Variants in PCDHA10 observed in about 807,000 individuals in gnomAD.
PCDHA10 encodes the protein protocadherin alpha 10.
Under a neutral mutation model 61.2 loss-of-function variants are expected in PCDHA10, and 45 were observed. The ratio of observed to expected loss-of-function variants is 0.74; its 90% CI spans 0.58 to 0.94. The LOEUF (loss-of-function observed/expected upper bound fraction) is 0.94. Among genes scored for constraint, PCDHA10 ranks in the 40% least tolerant of loss-of-function variants. The pLI is 0.00. For missense variants in PCDHA10, 1,278 were observed against 1,236.2 expected (o/e 1.03, Z -0.51); for synonymous variants, 602 against 548.8 (o/e 1.10, Z -1.35).
chr5:140,977,630 C>T (rs2096769145), intron 1 of PCDHA10, among the ~76,000 whole-genome samples: 1 of 152,148 alleles, frequency 6.6e-6, no homozygotes, highest in African/African-American at 2.4e-5. Flanking sequence ...AGAGTTGTAA[C>T]TTTTTCTGGG....
intron 1 of PCDHA10, among the ~76,000 whole-genome samples, chr5:140,935,315 A>G (rs552631416): frequency 5.9e-5 from 9 of 152,306 alleles, no homozygotes; most frequent in East Asian, 5.8e-4. Context: ...AACTTCATCA[A>G]TCTTACATTC....
At chr5:140,860,434 C>A (rs1562553401) in intron 1 of PCDHA10, 1 of 152,038 alleles carries the variant, frequency 6.6e-6, no homozygotes, top group Non-Finnish European at 1.5e-5. Context: ...CAAATATGAT[C>A]TTTTTCATAT....
At chr5:140,869,760 A>G in intron 1 of PCDHA10, 1 of 1,613,206 alleles carries the variant, frequency 6.2e-7, no homozygotes, top group Non-Finnish European at 8.5e-7. Flanking sequence ...ACGGGGGAAA[A>G]CCAGAGCTTA....
intron 1 of PCDHA10, chr5:140,969,476 A>G: frequency 6.8e-7 from 1 of 1,473,576 alleles, no homozygotes; most frequent in Non-Finnish European, 9.0e-7. Context: ...CAATTTGATC[A>G]TAATCTGCTA....
intron 3 of PCDHA10, among the ~76,000 whole-genome samples, chr5:141,005,035 GT>G (rs1272983494): frequency 6.6e-6 from 1 of 152,194 alleles, no homozygotes; most frequent in African/African-American, 2.4e-5. Context: ...TTGCCCATAT[GT>G]GATACCATTT....
intron 1 of PCDHA10, chr5:140,883,655 T>C (rs782178754): frequency 6.2e-7 from 1 of 1,613,114 alleles, no homozygotes; most frequent in Non-Finnish European, 8.5e-7. Context: ...GTACACGGTG[T>C]TCGTGAAGGA....
intron 1 of PCDHA10, among the ~76,000 whole-genome samples, chr5:140,964,473 T>C (rs1457345251): frequency 6.6e-6 from 1 of 152,068 alleles, no homozygotes; most frequent in Non-Finnish European, 1.5e-5. Flanking sequence ...TGCCTATGAT[T>C]TTTTCACAGT....
chr5:140,968,184 C>T, intron 1 of PCDHA10: 1 of 1,614,050 alleles, frequency 6.2e-7, no homozygotes, highest in Non-Finnish European at 8.5e-7. Flanking sequence ...CTGGAGGACT[C>T]CTATTCCATC....
chr5:140,924,472 G>A (rs938412564), intron 1 of PCDHA10, among the ~76,000 whole-genome samples: 1 of 152,188 alleles, frequency 6.6e-6, no homozygotes, highest in African/African-American at 2.4e-5. Flanking sequence ...GAGGTAACTG[G>A]TTTTTAGTGG....
intron 1 of PCDHA10, chr5:140,968,410 T>G: frequency 6.2e-7 from 1 of 1,614,040 alleles, no homozygotes. Context: ...TCTTTGTGAC[T>G]GTGGAGGCTC....
intron 1 of PCDHA10, among the ~76,000 whole-genome samples, chr5:140,941,255 CTCTT>C (rs1554214207): frequency 2.2e-4 from 10 of 44,514 alleles, no homozygotes; most frequent in East Asian, 7.5e-4. Flanking sequence ...TTCTTTCTTT[CTCTT>C]TCTTTCTTTC....
intron 1 of PCDHA10, among the ~76,000 whole-genome samples, chr5:140,972,662 T>A (rs1188844189): frequency 1.5e-4 from 8 of 54,766 alleles, no homozygotes; most frequent in African/African-American, 8.1e-4. Context: ...GAAACCAAAT[T>A]TTTTTTTTTT....
In PCDHA10 at chr5:140,876,831, T is replaced by G. The variant is rs201991889; in HGVS notation, c.2388+18395T>G. Reference sequence around the variant, plus strand: ...TGGCCGACGTGAACGACAATGCGCCTGCGTTCGCGCAGCCCGAGTACACAG... The same window carrying G: ...TGGCCGACGTGAACGACAATGCGCCGGCGTTCGCGCAGCCCGAGTACACAG... On this transcript the variant is annotated intron_variant, in intron 1 of 3. Coordinates refer to ENST00000307360, the MANE Select transcript of PCDHA10 (RefSeq NM_018901.4). 1.5e-4 allele frequency: 250 copies of G among 1,614,080 alleles called. 4 individuals are homozygous for G. In the East Asian group the frequency reaches 3.4e-3, roughly 22 times the overall value.
chr5:140,920,137 T>C (rs182001221), intron 1 of PCDHA10, among the ~76,000 whole-genome samples: 29 of 152,242 alleles, frequency 1.9e-4, no homozygotes, highest in Admixed American at 1.8e-3. Flanking sequence ...TTAATTCTCC[T>C]CTCCAAACCT....
intron 1 of PCDHA10, chr5:140,877,601 T>A (rs2057236715): frequency 6.2e-7 from 1 of 1,613,744 alleles, no homozygotes; most frequent in Non-Finnish European, 8.5e-7. Flanking sequence ...GTGTCCAGCC[T>A]GCTGGTGCTC....
chr5:140,898,528 TG>T (rs2066807286), intron 1 of PCDHA10, among the ~76,000 whole-genome samples: 1 of 152,236 alleles, frequency 6.6e-6, no homozygotes, highest in African/African-American at 2.4e-5. Flanking sequence ...CTGAGGGCTC[TG>T]TTCTGTTCCA....
intron 1 of PCDHA10, chr5:140,930,358 T>G (rs1253370170): frequency 6.6e-6 from 1 of 152,216 alleles, no homozygotes; most frequent in Non-Finnish European, 1.5e-5. Context: ...AATATTTCAA[T>G]TTATCTGTTA....
intron 1 of PCDHA10, among the ~76,000 whole-genome samples, chr5:140,948,051 T>A (rs1554218425): frequency 2.0e-5 from 3 of 151,622 alleles, no homozygotes; most frequent in African/African-American, 7.2e-5. Context: ...CATGATTCAT[T>A]GTTGAATTTC....
chr5:140,993,463 CACACA>C (rs1563592057), intron 3 of PCDHA10, among the ~76,000 whole-genome samples: 16 of 7,580 alleles, frequency 2.1e-3, no homozygotes, highest in African/African-American at 9.9e-3. Flanking sequence ...CTTTCTTTCT[CACACA>C]CACACACACA....
Sources: allele counts gnomAD v4.1 joint callset (sites outside exome capture counted in the v4.1 genomes callset), GRCh38; gene constraint gnomAD v4.1.1; transcripts MANE v1.5; gene names NCBI Gene and HGNC (gene_info 2026-07-23, HGNC 2026-07-21).